The following SORCS1 variants were observed in gnomAD, a reference collection of about 807,000 sequenced individuals.
SORCS1 encodes VPS10 domain-containing receptor SorCS1.
In SORCS1, 60 loss-of-function variants were observed where a neutral mutation model predicts 146.1. The observed-to-expected ratio is 0.41, with a 90% CI of 0.33 to 0.51. The LOEUF (loss-of-function observed/expected upper bound fraction) is 0.51. Ranked by LOEUF, SORCS1 falls within the 20% of genes least tolerant of loss-of-function variation. The pLI, the probability that SORCS1 is intolerant of heterozygous loss-of-function variation, is 0.21. For synonymous variants in SORCS1, 637 were observed against 584.0 expected (o/e 1.09, Z -1.31); for missense variants, 1,352 against 1,487.6 (o/e 0.91, Z 1.50).
intron 1 of SORCS1, among the ~76,000 whole-genome samples, chr10:107,131,595 G>A (rs1021597398): frequency 1.3e-5 from 2 of 152,116 alleles, no homozygotes; most frequent in Non-Finnish European, 2.9e-5. Context: ...TGTGGTGGCA[G>A]GTGCCTTTAG....
chr10:106,950,689 T>C (rs1034544875), intron 2 of SORCS1, among the ~76,000 whole-genome samples: 1 of 152,014 alleles, frequency 6.6e-6, no homozygotes, highest in East Asian at 1.9e-4. Flanking sequence ...CTGTTGCTTG[T>C]TTGGGTATAG....
intron 2 of SORCS1, among the ~76,000 whole-genome samples, chr10:106,842,375 C>G (rs1401363322): frequency 1.3e-5 from 2 of 151,898 alleles, no homozygotes; most frequent in African/African-American, 4.8e-5. Flanking sequence ...CTGGGACTAC[C>G]CTTGTGCACC....
At chr10:106,604,048 T>C (rs950218150) in intron 23 of SORCS1, among the ~76,000 whole-genome samples, 3 of 152,132 alleles carry the variant, frequency 2.0e-5, no homozygotes, top group East Asian at 1.9e-4. Flanking sequence ...CGTCTTTGGA[T>C]TGGGTTGATA....
the SORCS1 span, among the ~76,000 whole-genome samples, chr10:107,174,359 C>G: frequency 6.6e-6 from 1 of 152,100 alleles, no homozygotes; most frequent in Non-Finnish European, 1.5e-5. Context: ...GCGCCCGCCA[C>G]CATTCCCGGC....
chr10:107,062,785 A>G (rs1220291602), intron 1 of SORCS1, among the ~76,000 whole-genome samples: 2 of 152,200 alleles, frequency 1.3e-5, no homozygotes, highest in African/African-American at 4.8e-5. Context: ...ATAACTCAAC[A>G]AGATCAAGGA....
At chr10:107,035,570 G>A (rs1958872188) in intron 1 of SORCS1, among the ~76,000 whole-genome samples, 1 of 152,094 alleles carries the variant, frequency 6.6e-6, no homozygotes, top group African/African-American at 2.4e-5. Flanking sequence ...ATCATCTGGA[G>A]CTCCACGGTC....
chr10:107,077,859 GA>G (rs1278849259), intron 1 of SORCS1, among the ~76,000 whole-genome samples: 1 of 152,152 alleles, frequency 6.6e-6, no homozygotes, highest in African/African-American at 2.4e-5. Context: ...AATTAGAAAA[GA>G]AGGGGGCATT....
At chr10:106,851,713 G>T (rs1949581202) in intron 2 of SORCS1, among the ~76,000 whole-genome samples, 1 of 152,070 alleles carries the variant, frequency 6.6e-6, no homozygotes, top group Non-Finnish European at 1.5e-5. Flanking sequence ...ATAAACTTTA[G>T]AATTATTTGT....
chr10:106,780,972 T>A (rs1316484397), intron 3 of SORCS1, among the ~76,000 whole-genome samples: 1 of 137,904 alleles, frequency 7.3e-6, no homozygotes, highest in Admixed American at 7.1e-5. Context: ...AATACGTCAC[T>A]TCTCCTTTTT....
At chr10:106,643,395 C>A (rs1480730435) in intron 18 of SORCS1, among the ~76,000 whole-genome samples, 1 of 152,232 alleles carries the variant, frequency 6.6e-6, no homozygotes, top group African/African-American at 2.4e-5. Flanking sequence ...CAATCACGTG[C>A]ACCTCCCGTG....
chr10:107,120,865 C>G (rs1221307947), intron 1 of SORCS1, among the ~76,000 whole-genome samples: 2 of 152,032 alleles, frequency 1.3e-5, no homozygotes, highest in African/African-American at 4.8e-5. Context: ...GAGGAAATCC[C>G]TAGGTTCTAT....
intron 2 of SORCS1, among the ~76,000 whole-genome samples, chr10:106,930,259 GCGACA>G (rs1564822728): frequency 6.6e-6 from 1 of 151,926 alleles, no homozygotes; most frequent in Non-Finnish European, 1.5e-5. Flanking sequence ...CCCAGCCTGG[GCGACA>G]GAGCGAGACT....
At chr10:106,936,350 T>A (rs1007917242) in intron 2 of SORCS1, among the ~76,000 whole-genome samples, 1 of 152,170 alleles carries the variant, frequency 6.6e-6, no homozygotes, top group East Asian at 1.9e-4. Flanking sequence ...AAAACTGAGA[T>A]GAAATGCAGT....
intron 1 of SORCS1, among the ~76,000 whole-genome samples, chr10:107,019,822 C>CT (rs1187013807): frequency 6.6e-6 from 1 of 152,206 alleles, no homozygotes; most frequent in South Asian, 2.1e-4. Context: ...CCTTTTGAAA[C>CT]TTACAATCTA....
intron 2 of SORCS1, among the ~76,000 whole-genome samples, chr10:106,933,648 C>G (rs1351472978): frequency 6.6e-6 from 1 of 151,932 alleles, no homozygotes; most frequent in African/African-American, 2.4e-5. Flanking sequence ...GCCCCCCCAC[C>G]CCCAGCTATG....
upstream of SORCS1, among the ~76,000 whole-genome samples, chr10:107,169,694 AG>A (rs1363763346): frequency 6.6e-6 from 1 of 152,174 alleles, no homozygotes; most frequent in African/African-American, 2.4e-5. Flanking sequence ...AAAGATAGGT[AG>A]GGGGCAGTTT....
rs1440084447 is a variant in SORCS1 at position 106,844,891 on chromosome 10, G to T, written c.627-15218C>A. Among the ~76,000 whole-genome samples the T allele has an allele frequency of 1.8e-3, 271 of 149,702 alleles. 1 individual carries two copies. The highest frequency in any genetic ancestry group is 6.1e-3 in the African/African-American group (248 of 40,580). On this transcript the variant is annotated intron_variant, in intron 2 of 25. Coordinates refer to ENST00000263054, the MANE Select transcript of SORCS1 (RefSeq NM_052918.5). ...ATGATGGTTTCCAATTTCATCCATG[G>T]CCCTACAAAGGACATGAACTCATCA...
At chr10:106,789,757 C>A (rs933624931) in intron 3 of SORCS1, among the ~76,000 whole-genome samples, 2 of 152,202 alleles carry the variant, frequency 1.3e-5, no homozygotes, top group African/African-American at 4.8e-5. Context: ...TCAATTTATA[C>A]CAGTACTCCA....
intron 2 of SORCS1, among the ~76,000 whole-genome samples, chr10:106,850,357 G>C (rs557895936): frequency 6.6e-6 from 1 of 152,092 alleles, no homozygotes; most frequent in Non-Finnish European, 1.5e-5. Flanking sequence ...TTCCAGGTGC[G>C]TCCGTCACCC....
Sources: gnomAD v4.1 joint callset for allele counts (sites outside exome capture counted in the v4.1 genomes callset) on GRCh38, gnomAD v4.1.1 for gene constraint, MANE v1.5 for transcripts, NCBI Gene and HGNC (gene_info 2026-07-23, HGNC 2026-07-21) for gene names.